CSMD1: variants seen among roughly 807,000 people sequenced by gnomAD.
CSMD1 encodes CUB and sushi domain-containing protein 1.
A neutral mutation model predicts 417.5 loss-of-function variants in CSMD1; 213 were observed. The ratio of observed to expected loss-of-function variants is 0.51; its 90% CI spans 0.46 to 0.57. CSMD1 has a LOEUF of 0.57. Among genes scored for constraint, CSMD1 ranks in the 20% least tolerant of loss-of-function variants. The pLI is 0.00. For synonymous variants in CSMD1, 2,862 were observed against 1,736.8 expected, an observed-to-expected ratio of 1.65 and a Z score of -16.11; for missense variants, 6,923 against 4,529.7, an observed-to-expected ratio of 1.53 and a Z score of -15.17.
intron 50 of CSMD1, among the ~76,000 whole-genome samples, chr8:3,037,726 T>A (rs1810787065): frequency 6.6e-6 from 1 of 152,152 alleles, no homozygotes; most frequent in Non-Finnish European, 1.5e-5. Flanking sequence ...CCTAAATGAG[T>A]TATCTAGAAT....
chr8:3,104,955 C>T (rs992091169), intron 46 of CSMD1, among the ~76,000 whole-genome samples: 6 of 152,210 alleles, frequency 3.9e-5, no homozygotes, highest in African/African-American at 9.6e-5. Flanking sequence ...ATCCACCCAC[C>T]TCGGCCTCAC....
intron 20 of CSMD1, among the ~76,000 whole-genome samples, chr8:3,366,593 C>G (rs900185811): frequency 1.3e-5 from 2 of 152,178 alleles, no homozygotes; most frequent in Non-Finnish European, 2.9e-5. Context: ...TGTCCACCTG[C>G]TTCTTTCATC....
chr8:4,046,496 G>C (rs566944504), intron 3 of CSMD1, among the ~76,000 whole-genome samples: 274 of 152,262 alleles, frequency 1.8e-3, no homozygotes, highest in Non-Finnish European at 2.6e-3. Context: ...AAAGGATAAA[G>C]CATGTTTTGT....
At chr8:4,812,363 C>G (rs1798956183) in intron 1 of CSMD1, among the ~76,000 whole-genome samples, 2 of 152,138 alleles carry the variant, frequency 1.3e-5, no homozygotes, top group Non-Finnish European at 2.9e-5. Context: ...TACAAACATT[C>G]AGTTAGATAG....
At chr8:3,976,382 T>C (rs1215318367) in intron 5 of CSMD1, among the ~76,000 whole-genome samples, 1 of 152,226 alleles carries the variant, frequency 6.6e-6, no homozygotes, top group Non-Finnish European at 1.5e-5. Context: ...ATTCCTGAAC[T>C]TTCTTCAAGT....
chr8:4,915,608 G>T (rs1330300637), intron 1 of CSMD1, among the ~76,000 whole-genome samples: 2 of 152,294 alleles, frequency 1.3e-5, no homozygotes, highest in Non-Finnish European at 1.5e-5. Flanking sequence ...TGTTGCATCC[G>T]ATTGAACTCT....
chr8:4,363,099 A>T (rs1801869000), intron 3 of CSMD1, among the ~76,000 whole-genome samples: 1 of 152,126 alleles, frequency 6.6e-6, no homozygotes, highest in Non-Finnish European at 1.5e-5. Flanking sequence ...GGATCATAAT[A>T]TCAGAGACTT....
At chr8:3,768,226 T>A (rs912482023) in intron 5 of CSMD1, among the ~76,000 whole-genome samples, 1 of 152,122 alleles carries the variant, frequency 6.6e-6, no homozygotes, top group African/African-American at 2.4e-5. Flanking sequence ...AACCATACAG[T>A]GGCCAATGGC....
intron 12 of CSMD1, among the ~76,000 whole-genome samples, chr8:3,411,326 G>C (rs1167412076): frequency 1.3e-5 from 2 of 151,928 alleles, no homozygotes; most frequent in Non-Finnish European, 2.9e-5. Flanking sequence ...CAAATTCTTT[G>C]TGGGGTATTT....
intron 18 of CSMD1, among the ~76,000 whole-genome samples, chr8:3,370,592 G>C (rs148979299): frequency 6.6e-6 from 1 of 152,334 alleles, no homozygotes; most frequent in Non-Finnish European, 1.5e-5. Flanking sequence ...GGACAGATTA[G>C]AATTTGAGTC....
intron 1 of CSMD1, among the ~76,000 whole-genome samples, chr8:4,654,293 G>A (rs1804090510): frequency 6.6e-6 from 1 of 152,082 alleles, no homozygotes; most frequent in Non-Finnish European, 1.5e-5. Flanking sequence ...AGACTTATAT[G>A]GAAAGGATAT....
intron 10 of CSMD1, among the ~76,000 whole-genome samples, chr8:3,543,724 G>C (rs1424221869): frequency 6.6e-6 from 1 of 152,154 alleles, no homozygotes; most frequent in African/African-American, 2.4e-5. Context: ...TTTGCTTTTA[G>C]ACATGCTGTG....
chr8:3,689,679 A>T (rs1351994333), intron 7 of CSMD1, among the ~76,000 whole-genome samples: 1 of 152,022 alleles, frequency 6.6e-6, no homozygotes, highest in Admixed American at 6.5e-5. Context: ...ATCTCCTTTA[A>T]TCCTCACGTC....
At chr8:3,195,280 C>T (rs1297366129) in intron 33 of CSMD1, among the ~76,000 whole-genome samples, 1 of 152,094 alleles carries the variant, frequency 6.6e-6, no homozygotes, top group Non-Finnish European at 1.5e-5. Flanking sequence ...GCAGCTGTGA[C>T]CACCCTGTCT....
At chr8:3,480,657 C>A (rs1319115644) in intron 11 of CSMD1, among the ~76,000 whole-genome samples, 3 of 152,052 alleles carry the variant, frequency 2.0e-5, no homozygotes, top group Admixed American at 6.5e-5. Context: ...GTTTTAAAAA[C>A]TAAAGACAGA....
chr8:4,773,965 G>A (rs551529183), intron 1 of CSMD1, among the ~76,000 whole-genome samples: 2 of 152,310 alleles, frequency 1.3e-5, no homozygotes, highest in East Asian at 1.9e-4. Context: ...TGAGGCAGAG[G>A]TGGGTGGATC....
intron 3 of CSMD1, among the ~76,000 whole-genome samples, chr8:4,418,559 T>C (rs1214431362): frequency 1.3e-5 from 2 of 152,210 alleles, no homozygotes; most frequent in Non-Finnish European, 2.9e-5. Context: ...GGAAGCATTA[T>C]CTATTTTCTG....
At chr8:4,146,592 ACATTTTT>A (rs1804143009) in intron 3 of CSMD1, among the ~76,000 whole-genome samples, 2 of 56,898 alleles carry the variant, frequency 3.5e-5, no homozygotes, top group Non-Finnish European at 4.5e-5. Flanking sequence ...TTATATGGAC[ACATTTTT>A]TTTTTTTTTT....
intron 49 of CSMD1, among the ~76,000 whole-genome samples, chr8:3,064,900 C>A (rs560955329): frequency 6.6e-6 from 1 of 151,756 alleles, no homozygotes; most frequent in Non-Finnish European, 1.5e-5. Flanking sequence ...TTTTTTTTTC[C>A]TTTTATTCCC....
Sources: gnomAD v4.1 joint callset for allele counts (sites outside exome capture counted in the v4.1 genomes callset) on GRCh38, gnomAD v4.1.1 for gene constraint, MANE v1.5 for transcripts, NCBI Gene and HGNC (gene_info 2026-07-23, HGNC 2026-07-21) for gene names.